VAT1L: variants seen among roughly 807,000 people sequenced by gnomAD.
The protein encoded by VAT1L is vesicle amine transport 1 like.
In VAT1L, 34 loss-of-function variants were observed where a neutral mutation model predicts 44.1. The observed-to-expected ratio is 0.77, with a 90% CI of 0.59 to 1.03. VAT1L has a LOEUF of 1.03. Ranked by LOEUF, VAT1L falls within the 50% of genes least tolerant of loss-of-function variation. The probability of loss-of-function intolerance (pLI) is 0.00; values close to 1 mark genes in which losing one functional copy is unlikely to be tolerated. For synonymous variants in VAT1L, 253 were observed against 202.2 expected, an observed-to-expected ratio of 1.25 and a Z score of -2.13; for missense variants, 615 against 538.8, an observed-to-expected ratio of 1.14 and a Z score of -1.40.
At chr16:77,942,400 G>A (rs1351996230) in intron 7 of VAT1L, among the ~76,000 whole-genome samples, 2 of 152,040 alleles carry the variant, frequency 1.3e-5, no homozygotes, top group Non-Finnish European at 2.9e-5. Context: ...TGAGATTTGG[G>A]TGGGGACACA....
Position 77,865,264 on chromosome 16 carries a change from C to T in VAT1L, c.722+2374C>T, listed in dbSNP as rs1259609014. ...CTGGTATTACAGGTGTGACTGCGCC[C>T]GGTCAGTTCTTCCTATCTTTAACTT... On this transcript the variant is annotated intron_variant, in intron 4 of 8. Coordinates refer to ENST00000302536, the MANE Select transcript of VAT1L (RefSeq NM_020927.3). 6.6e-5 allele frequency among the ~76,000 whole-genome samples: 10 copies of T among 152,186 alleles called. No individual in the cohort carries two copies. The South Asian group carries it at 8.3e-4, about 13-fold the overall frequency.
intron 7 of VAT1L, among the ~76,000 whole-genome samples, chr16:77,965,914 T>A (rs1388180279): frequency 1.3e-5 from 2 of 152,196 alleles, no homozygotes; most frequent in African/African-American, 4.8e-5. Context: ...CCTGCCCATA[T>A]AGAGCTGCAA....
chr16:77,971,722 C>T, intron 7 of VAT1L, 128 bp from the exon 8 acceptor site: 1 of 911,354 alleles, frequency 1.1e-6, no homozygotes, highest in Non-Finnish European at 1.7e-6. Flanking sequence ...ACAGCAACCT[C>T]TTAGCCACTA....
At chr16:77,867,063 A>C (rs1187099002) in intron 4 of VAT1L, among the ~76,000 whole-genome samples, 1 of 152,182 alleles carries the variant, frequency 6.6e-6, no homozygotes, top group African/African-American at 2.4e-5. Flanking sequence ...CTACGAGTTC[A>C]ATTAGACCAT....
intron 1 of VAT1L, among the ~76,000 whole-genome samples, chr16:77,812,399 T>G (rs1221419701): frequency 6.6e-6 from 1 of 152,162 alleles, no homozygotes; most frequent in Non-Finnish European, 1.5e-5. Flanking sequence ...ACTCTTGATT[T>G]TAGTAACATT....
chr16:77,912,281 G>A (rs2017506929), intron 7 of VAT1L, among the ~76,000 whole-genome samples: 1 of 152,180 alleles, frequency 6.6e-6, no homozygotes. Context: ...CAAGGTAGGG[G>A]TGAAGTTAAC....
Position 77,862,908 on chromosome 16 carries a change from G to A in VAT1L, c.722+18G>A. The A allele has an allele frequency of 6.2e-7, 1 of 1,612,246 alleles. No individual in the cohort carries two copies. Among genetic ancestry groups the A allele is most frequent in the Non-Finnish European group, 8.5e-7 (1 of 1,179,288 alleles). The stretch of plus-strand genomic sequence containing the variant: ...GTTAAAAGGTAAGATGTTTGCTTTT[G>A]AAAAAGCACCAGGCTGGCCCTTGCT... On this transcript the variant is annotated intron_variant, in intron 4 of 8. Coordinates refer to ENST00000302536, the MANE Select transcript of VAT1L (RefSeq NM_020927.3).
intron 7 of VAT1L, among the ~76,000 whole-genome samples, chr16:77,941,020 AT>A (rs1203427884): frequency 6.6e-6 from 1 of 152,174 alleles, no homozygotes; most frequent in Non-Finnish European, 1.5e-5. Context: ...GTTAGAATGT[AT>A]TAGAATTGTT....
chr16:77,803,898 A>C (rs1419041019), intron 1 of VAT1L, among the ~76,000 whole-genome samples: 2 of 152,212 alleles, frequency 1.3e-5, no homozygotes, highest in Non-Finnish European at 2.9e-5. Context: ...CTGAGAGAAC[A>C]GGAACAAGGG....
At chr16:77,835,242 T>A (rs777139813) in intron 3 of VAT1L, among the ~76,000 whole-genome samples, 1 of 152,198 alleles carries the variant, frequency 6.6e-6, no homozygotes, top group African/African-American at 2.4e-5. Flanking sequence ...ACTGAGTTAA[T>A]CCCAGGGGGA....
intron 1 of VAT1L, among the ~76,000 whole-genome samples, chr16:77,801,871 A>G (rs4888687): frequency 0.25 from 38,477 of 151,946 alleles, 5,199 homozygotes; most frequent in African/African-American, 0.36. Flanking sequence ...CCCTTTATCC[A>G]CTCAGTTAAA....
rs550680713 is a variant in VAT1L, at chr16:77,818,409, A to G, written c.363+1359A>G. ...GTAAATGAGTCTTTTCTTTTCTTTT[A>G]TACGAATTTACATTTTTTTGTCCCC... is the stretch of plus-strand genomic sequence containing the variant. On this transcript the variant is annotated intron_variant, in intron 2 of 8. Coordinates refer to ENST00000302536, the MANE Select transcript of VAT1L (RefSeq NM_020927.3). 3.0e-4 allele frequency among the ~76,000 whole-genome samples: 46 copies of G among 152,196 alleles called. 1 individual carries two copies. The South Asian group carries it at 9.4e-3, about 31-fold the overall frequency.
intron 7 of VAT1L, among the ~76,000 whole-genome samples, chr16:77,899,638 T>C (rs565834811): frequency 6.6e-6 from 1 of 152,344 alleles, no homozygotes; most frequent in African/African-American, 2.4e-5. Flanking sequence ...CATTCACATG[T>C]GTTATCATTC....
chr16:77,861,391 T>C (rs1246734743), intron 3 of VAT1L, among the ~76,000 whole-genome samples: 1 of 152,202 alleles, frequency 6.6e-6, no homozygotes, highest in Non-Finnish European at 1.5e-5. Context: ...AGTTTGACCA[T>C]ACTGAAAAAC....
chr16:77,932,759 C>T (rs9927657), intron 7 of VAT1L, among the ~76,000 whole-genome samples: 10,162 of 152,212 alleles, frequency 0.067, 1,168 homozygotes, highest in African/African-American at 0.23. Flanking sequence ...TACCTCCAAG[C>T]TTCTCTTCCT....
chr16:77,870,326 G>T (rs1482486775), intron 4 of VAT1L, among the ~76,000 whole-genome samples: 1 of 152,232 alleles, frequency 6.6e-6, no homozygotes, highest in African/African-American at 2.4e-5. Flanking sequence ...GGTTAAAGCT[G>T]TGGCACAGAT....
intron 7 of VAT1L, among the ~76,000 whole-genome samples, chr16:77,943,556 C>T (rs571733497): frequency 2.6e-5 from 4 of 151,572 alleles, no homozygotes; most frequent in Admixed American, 6.6e-5. Context: ...CCCGCCACCA[C>T]ACCCGGCTAA....
At chr16:77,834,884 G>A (rs764435863) in intron 3 of VAT1L, among the ~76,000 whole-genome samples, 3 of 152,042 alleles carry the variant, frequency 2.0e-5, no homozygotes, top group East Asian at 1.9e-4. Flanking sequence ...GCTCATTCAC[G>A]TCATCGGAAT....
At chr16:77,816,462 T>C (rs2016357028) in intron 1 of VAT1L, among the ~76,000 whole-genome samples, 1 of 152,250 alleles carries the variant, frequency 6.6e-6, no homozygotes. Context: ...TTAGGTCTTC[T>C]TTCTCTTTCT....
Sources: gnomAD v4.1 joint callset for allele counts (sites outside exome capture counted in the v4.1 genomes callset) on GRCh38, gnomAD v4.1.1 for gene constraint, MANE v1.5 for transcripts, NCBI Gene and HGNC (gene_info 2026-07-23, HGNC 2026-07-21) for gene names.